The following ZNF658 variants were observed in gnomAD, a reference collection of about 807,000 sequenced individuals.
ZNF658 encodes the protein zinc finger protein 658.
In ZNF658, 46 loss-of-function variants were observed where a neutral mutation model predicts 78.0. The observed-to-expected ratio is 0.59, with a 90% confidence interval of 0.47 to 0.75. The LOEUF is 0.75. ZNF658 is among the 30% of genes least tolerant of loss of function. ZNF658 has a pLI of 0.00. For synonymous variants in ZNF658, 279 were observed against 408.4 expected (o/e 0.68, Z 3.82); for missense variants, 785 against 1,189.3 (o/e 0.66, Z 5.00).
chr9:66,901,226 C>G (rs1439980340), intron 1 of ZNF658: 1 of 152,118 alleles, frequency 6.6e-6, no homozygotes, highest in Non-Finnish European at 1.5e-5. Context: ...TGGTATTTCA[C>G]CTGACCCTCA....
chr9:66,903,221 G>A (rs1470445971), intron 1 of ZNF658: 7 of 288,362 alleles, frequency 2.4e-5, no homozygotes, highest in East Asian at 1.1e-4. Flanking sequence ...AAGTTTAAGC[G>A]CACATAATCG....
Position 66,918,712 on chromosome 9 carries a change from T to C in ZNF658, c.1146T>C (p.Leu382=). 2 of 1,613,962 alleles carry C rather than the reference T, an allele frequency of 1.2e-6. No individual in the cohort carries two copies. Among genetic ancestry groups the C allele is most frequent in the Non-Finnish European group, 1.7e-6 (2 of 1,179,864 alleles). ...QRIHTEDKFY[L]SDEHGKCRKS... ...TTCACACAGAAGATAAATTCTACCT[T>C]TCTGATGAACATGGGAAATGCAGAA... Residue 382 remains leucine, a synonymous_variant, in exon 5 of 5, where the codon CTT becomes CTC. Coordinates refer to ENST00000621410, the MANE Select transcript of ZNF658 (RefSeq NM_033160.7).
At chr9:66,905,192 C>T (rs1398059320) in intron 2 of ZNF658, among the ~76,000 whole-genome samples, 2 of 145,612 alleles carry the variant, frequency 1.4e-5, no homozygotes, top group Non-Finnish European at 3.0e-5. Flanking sequence ...CCTTGTGCCT[C>T]AGCCTCCTAA....
chr9:66,930,531 C>A (rs983973950), intron 6 of ZNF658, among the ~76,000 whole-genome samples: 5 of 150,944 alleles, frequency 3.3e-5, no homozygotes, highest in African/African-American at 1.2e-4. Context: ...AATTTTCAGC[C>A]CGGCATGGTG....
rs376150823 is a variant in ZNF658 at position 66,913,195 on chromosome 9, C to T, written c.238+4461C>T. On this transcript the variant is annotated intron_variant, in intron 4 of 4. Transcript: ENST00000621410. ...ATCCTAGCATTTTGGGAGGCCGAGG[C>T]GGGTGGATCACCTGAGGTCAGGAAT... Among the ~76,000 whole-genome samples the T allele has an allele frequency of 1.7e-4, 25 of 151,160 alleles. No homozygotes were observed. The East Asian group carries it at 4.1e-3, about 25-fold the overall frequency.
chr9:66,915,398 A>G (rs189945883), intron 4 of ZNF658, among the ~76,000 whole-genome samples: 1,719 of 69,216 alleles, frequency 0.025, 33 homozygotes, highest in African/African-American at 0.082. Context: ...TTTTATAGTT[A>G]AAAAAAAAAA....
At position 66,919,547 on chromosome 9, in the gene ZNF658, A is replaced by AGC. The variant is rs1822447077; in HGVS notation, c.1981_1982insGC (p.Asn661SerfsTer14). ...CACAGGGGAGAAACCCTATGAATGTAATGAATGTGGGAGATCTTTCACCTA... is the reference window on the plus strand; with the variant it reads ...CACAGGGGAGAAACCCTATGAATGTAGCATGAATGTGGGAGATCTTTCACCTA... On this transcript the variant is annotated frameshift_variant, in exon 5 of 5. Coordinates refer to ENST00000621410, the MANE Select transcript of ZNF658 (RefSeq NM_033160.7). LOFTEE classifies it high-confidence loss of function. 1.2e-6 allele frequency: 2 copies of AGC among 1,613,254 alleles called. No homozygotes were observed. Among genetic ancestry groups the AGC allele is most frequent in the Admixed American group, 1.7e-5 (1 of 59,964 alleles).
rs1822393441 is a variant in ZNF658 at position 66,918,350 on chromosome 9, A to T, written c.784A>T (p.Arg262Ter). The T allele has an allele frequency of 6.2e-7, 1 of 1,613,942 alleles. No homozygotes were observed. Among genetic ancestry groups the T allele is most frequent in the Non-Finnish European group, 8.5e-7 (1 of 1,179,854 alleles). The stretch of plus-strand genomic sequence containing the variant: ...TAAAATCACTTTATTTAACCACATG[A>T]GAACTGACACAAGGGGGAAATGCTC... ...FDKITLFNHMRTDTRGKCSDL... is the reference protein window; with the variant it reads ...FDKITLFNHM The change falls in exon 5 of 5, where the codon AGA becomes TGA. Residue 262 changes from arginine to a stop codon, truncating the protein, a stop_gained. Transcript: ENST00000621410. LOFTEE classifies it high-confidence loss of function.
chr9:66,929,930 C>T (rs1199384536), intron 6 of ZNF658, among the ~76,000 whole-genome samples: 3 of 133,774 alleles, frequency 2.2e-5, no homozygotes, highest in Non-Finnish European at 4.8e-5. Flanking sequence ...ACTACAAGTG[C>T]CCGCCACCAC....
chr9:66,903,318 G>A, intron 1 of ZNF658, 200 bp from the exon 2 acceptor site: 1 of 516,442 alleles, frequency 1.9e-6, no homozygotes, highest in Non-Finnish European at 3.5e-6. Context: ...TTCTGCATTG[G>A]GAATCCTTTT....
At chr9:66,923,311 C>T (rs1433483313), downstream of ZNF658, among the ~76,000 whole-genome samples, 4 of 150,650 alleles carry the variant, frequency 2.7e-5, no homozygotes, top group Non-Finnish European at 5.9e-5. Context: ...CTCCTGCCTG[C>T]TTTATTTTAG....
intron 4 of ZNF658, among the ~76,000 whole-genome samples, chr9:66,913,988 A>ATAGTGT (rs1822275110): frequency 1.0e-4 from 12 of 117,880 alleles, no homozygotes; most frequent in Admixed American, 3.9e-4. Context: ...CTAGCTTATT[A>ATAGTGT]AGTTTTGAAG....
chr9:66,927,106 G>A (rs1490982937), intron 6 of ZNF658, among the ~76,000 whole-genome samples: 1 of 152,052 alleles, frequency 6.6e-6, no homozygotes, highest in Non-Finnish European at 1.5e-5. Flanking sequence ...GCTTCTATAA[G>A]AAAACACTGG....
Position 66,917,885 on chromosome 9 carries a change from G to A in ZNF658, c.319G>A (p.Ala107Thr), listed in dbSNP as rs1486754681. The A allele has an allele frequency of 1.0e-5, 16 of 1,606,232 alleles. No homozygotes were observed. Among genetic ancestry groups the A allele is most frequent in the Non-Finnish European group, 1.3e-5 (15 of 1,178,496 alleles). ...PLWQEIFISD[A>T]DKTLSKEGQK... ...GTGGCAAGAAATATTCATCAGTGAT[G>A]CTGACAAAACATTGAGTAAAGAAGG... is the stretch of plus-strand genomic sequence containing the variant. Residue 107 changes from alanine (A) to threonine (T), a missense_variant, in exon 5 of 5, where the codon GCT becomes ACT. This residue lies in a region of ZNF658 where 54 missense variants were observed against 48.9 expected (regional missense o/e 1.10). Transcript: ENST00000621410.
intron 2 of ZNF658, among the ~76,000 whole-genome samples, chr9:66,907,635 A>AT (rs1377685162): frequency 1.3e-5 from 2 of 152,154 alleles, no homozygotes; most frequent in African/African-American, 4.8e-5. Context: ...TAAAAACAAA[A>AT]TTTTTTTAAA....
Position 66,908,732 on chromosome 9 carries a change from C to G in ZNF658, c.236C>G (p.Pro79Arg), listed in dbSNP as rs1470544114. Residue 79 changes from proline to arginine, a missense_variant and splice_region_variant, in exon 4 of 5, where the codon CCA becomes CGA. By Grantham distance (103) the Pro-to-Arg change is moderately radical. This residue lies in a region of ZNF658 where 79 missense variants were observed against 96.5 expected (regional missense o/e 0.82). Coordinates refer to ENST00000621410, the MANE Select transcript of ZNF658 (RefSeq NM_033160.7). Reference protein sequence around the residue: ...LEDEFLNQRYPGYFKVDHIKG... With the variant: ...LEDEFLNQRYRGYFKVDHIKG... ...GATGAATTCCTGAACCAGAGGTACCCAGGTGAGTGGGCATTAACAGAAGGA... is the reference window on the plus strand; with the variant it reads ...GATGAATTCCTGAACCAGAGGTACCGAGGTGAGTGGGCATTAACAGAAGGA... The G allele has an allele frequency of 1.9e-6, 3 of 1,610,770 alleles. No individual in the cohort carries two copies. Among genetic ancestry groups the G allele is most frequent in the Non-Finnish European group, 2.5e-6 (3 of 1,178,850 alleles).
At position 66,903,321 on chromosome 9, in the gene ZNF658, A is replaced by T. The variant is rs111813262; in HGVS notation, c.-44-197A>T. 8.9e-3 allele frequency: 4,612 copies of T among 518,716 alleles called. 20 individuals carry two copies. Among genetic ancestry groups the T allele is most frequent in the Non-Finnish European group, 0.012 (3,316 of 286,284 alleles). The allele number at this position is 518,716 out of a possible 1,614,324, so 32.1% of individuals were successfully genotyped here. A position where few individuals can be genotyped will look rare whatever the true frequency, so the allele number is the denominator to read the frequency against. On this transcript the variant is annotated intron_variant, in intron 1 of 4. Coordinates refer to ENST00000621410, the MANE Select transcript of ZNF658 (RefSeq NM_033160.7). ...GTCAAAGGGACATTCTGCATTGGGAATCCTTTTCTCCAGCTGAGTGCGATG... is the reference window on the plus strand; with the variant it reads ...GTCAAAGGGACATTCTGCATTGGGATTCCTTTTCTCCAGCTGAGTGCGATG...
intron 1 of ZNF658, among the ~76,000 whole-genome samples, chr9:66,902,371 G>A (rs1486462056): frequency 1.6e-5 from 2 of 124,418 alleles, no homozygotes; most frequent in East Asian, 4.4e-4. Context: ...AGAGGCAGTT[G>A]TTGACTCCCT....
In ZNF658 at chr9:66,918,911, T is replaced by G; in HGVS notation, c.1345T>G (p.Phe449Val). The change falls in exon 5 of 5, where the codon TTC (phenylalanine) becomes GTC (valine). Residue 449 changes from phenylalanine to valine, a missense_variant. Phe to Val is a conservative substitution (Grantham distance 50). This residue lies in a region of ZNF658 where 393 missense variants were observed against 400.2 expected (regional missense o/e 0.98). Transcript: ENST00000621410. ...LYECNECGKA[F>V]CQNSNLSKHL... Reference sequence around the variant, plus strand: ...TGAATGTAATGAATGTGGGAAAGCTTTCTGTCAGAATTCAAACCTCAGTAA... The same window carrying G: ...TGAATGTAATGAATGTGGGAAAGCTGTCTGTCAGAATTCAAACCTCAGTAA... 1 of 1,562,532 alleles carries G rather than the reference T, an allele frequency of 6.4e-7. No individual in the cohort carries two copies. Among genetic ancestry groups the G allele is most frequent in the Non-Finnish European group, 8.7e-7 (1 of 1,152,532 alleles).
Sources: gnomAD v4.1 joint callset for allele counts (sites outside exome capture counted in the v4.1 genomes callset) on GRCh38, gnomAD v4.1.1 for gene constraint, gnomAD v4.1.1 regional missense constraint, MANE v1.5 for transcripts, NCBI Gene and HGNC (gene_info 2026-07-23, HGNC 2026-07-21) for gene names.